INSL6: variants seen among roughly 807,000 people sequenced by gnomAD.
INSL6 encodes insulin like 6.
Under a neutral mutation model 9.4 loss-of-function variants are expected in INSL6, and 16 were observed. That is an observed-to-expected ratio of 1.70 (90% CI 1.15 to 2.59). The LOEUF (loss-of-function observed/expected upper bound fraction) is 2.59, where lower values mean the gene tolerates loss of function less well. Among genes scored for constraint, INSL6 ranks in the 30% most tolerant of loss-of-function variants. INSL6 has a pLI of 0.00. For synonymous variants in INSL6, 154 were observed against 96.9 expected (o/e 1.59, Z -3.46); for missense variants, 391 against 257.3 (o/e 1.52, Z -3.56).
At chr9:5,162,976 A>C (rs575981237), downstream of INSL6, among the ~76,000 whole-genome samples, 15 of 152,312 alleles carry the variant, frequency 9.8e-5, no homozygotes, top group South Asian at 2.1e-3. Flanking sequence ...GGACAGGAAA[A>C]AAAACACCAA....
intron 3 of INSL6, among the ~76,000 whole-genome samples, chr9:5,130,882 CTA>C (rs1222145046): frequency 4.0e-5 from 6 of 150,184 alleles, no homozygotes; most frequent in African/African-American, 9.8e-5. Flanking sequence ...GCGCCTGCCA[CTA>C]CACCCGGCTA....
the INSL6 span, among the ~76,000 whole-genome samples, chr9:4,997,918 A>AT: frequency 1.6e-4 from 24 of 151,412 alleles, no homozygotes; most frequent in South Asian, 4.0e-3. Context: ...TAGGTGCTTA[A>AT]TTTTTTTTTA....
At chr9:5,085,005 C>G in the INSL6 span, 2 of 849,150 alleles carry the variant, frequency 2.4e-6, no homozygotes, top group Non-Finnish European at 1.9e-6. Flanking sequence ...TCATTTATGT[C>G]TTGTGAGTAC....
chr9:5,182,799 C>T (rs1372349651), intron 1 of INSL6, among the ~76,000 whole-genome samples: 1 of 151,968 alleles, frequency 6.6e-6, no homozygotes, highest in East Asian at 1.9e-4. Context: ...AATACTCAGT[C>T]GTAATTTAGA....
the INSL6 span, among the ~76,000 whole-genome samples, chr9:5,003,866 G>A: frequency 6.6e-6 from 1 of 151,872 alleles, no homozygotes; most frequent in Non-Finnish European, 1.5e-5. Flanking sequence ...GAGGAAGTTT[G>A]CTTTTATTCC....
chr9:5,146,368 T>C (rs1341816380), intron 2 of INSL6, among the ~76,000 whole-genome samples: 1 of 152,086 alleles, frequency 6.6e-6, no homozygotes, highest in African/African-American at 2.4e-5. Context: ...GATTCAGGGG[T>C]GCCTGCCTCC....
intron 2 of INSL6, among the ~76,000 whole-genome samples, chr9:5,139,292 G>T (rs940078166): frequency 1.3e-5 from 2 of 152,000 alleles, no homozygotes; most frequent in East Asian, 3.8e-4. Flanking sequence ...CAGTTTAGTG[G>T]CCATTTGTTC....
At chr9:5,084,550 T>A in the INSL6 span, among the ~76,000 whole-genome samples, 4 of 152,144 alleles carry the variant, frequency 2.6e-5, no homozygotes, top group Admixed American at 6.5e-5. Flanking sequence ...TTTTATTTTT[T>A]AAAAAATATT....
At chr9:5,003,687 A>C in the INSL6 span, among the ~76,000 whole-genome samples, 4 of 152,152 alleles carry the variant, frequency 2.6e-5, no homozygotes, top group African/African-American at 9.6e-5. Context: ...AATCATCATA[A>C]CTTTTATTTA....
At chr9:5,009,807 G>A in the INSL6 span, among the ~76,000 whole-genome samples, 1 of 149,802 alleles carries the variant, frequency 6.7e-6, no homozygotes, top group Non-Finnish European at 1.5e-5. Flanking sequence ...GTCTTGCTCT[G>A]TTGCCCAGGC....
the INSL6 span, chr9:5,086,021 A>G: frequency 1.3e-6 from 1 of 796,510 alleles, no homozygotes; most frequent in Non-Finnish European, 2.3e-6. Context: ...TACTATATAC[A>G]TTTGGACAGG....
the INSL6 span, among the ~76,000 whole-genome samples, chr9:5,048,299 G>A: frequency 1.1e-3 from 174 of 151,928 alleles, no homozygotes; most frequent in African/African-American, 4.0e-3. Context: ...CTGCCACTAC[G>A]CCCGGCTAAT....
At position 5,185,587 on chromosome 9, in the gene INSL6, G is replaced by A. The variant is rs755134539; in HGVS notation, c.16C>T (p.Arg6Cys). 10 of 1,613,076 alleles carry A rather than the reference G, an allele frequency of 6.2e-6. No individual in the cohort carries two copies. Among genetic ancestry groups the A allele is most frequent in the Non-Finnish European group, 7.6e-6 (9 of 1,179,820 alleles). The change falls in exon 1 of 2, where the codon CGC becomes TGC. Residue 6 changes from arginine to cysteine, a missense_variant. Transcript: ENST00000381641. MPRLL[R>C]LSLLWLGLLL... ...AGTCCAAGCCACAGCAGGGACAAGC[G>A]GAGGAGCCGCGGCATCCCTGTGACC...
the INSL6 span, among the ~76,000 whole-genome samples, chr9:5,032,296 G>T: frequency 1.9e-4 from 29 of 152,290 alleles, no homozygotes; most frequent in African/African-American, 5.8e-4. Flanking sequence ...GAGGCCTGCC[G>T]GCCTCTGTAG....
At chr9:5,149,166 C>A (rs1347259976) in intron 2 of INSL6, among the ~76,000 whole-genome samples, 1 of 152,196 alleles carries the variant, frequency 6.6e-6, no homozygotes, top group Non-Finnish European at 1.5e-5. Context: ...TGTGGGGTCC[C>A]CTGTAGCAGC....
the INSL6 span, among the ~76,000 whole-genome samples, chr9:5,088,274 G>A: frequency 1.3e-5 from 2 of 152,074 alleles, no homozygotes; most frequent in Non-Finnish European, 2.9e-5. Flanking sequence ...CTTCTAAACT[G>A]TGTAATTAAG....
chr9:5,059,783 A>G, the INSL6 span, among the ~76,000 whole-genome samples: 1 of 152,070 alleles, frequency 6.6e-6, no homozygotes, highest in Non-Finnish European at 1.5e-5. Flanking sequence ...TTTTATTTTC[A>G]TTGCCCTGGT....
At chr9:5,175,524 TC>T (rs1417106256) in intron 1 of INSL6, among the ~76,000 whole-genome samples, 1 of 150,506 alleles carries the variant, frequency 6.6e-6, no homozygotes, top group Non-Finnish European at 1.5e-5. Context: ...AAACAGGGGG[TC>T]CCCAACCACT....
chr9:5,031,383 A>G, the INSL6 span, among the ~76,000 whole-genome samples: 1 of 152,222 alleles, frequency 6.6e-6, no homozygotes, highest in African/African-American at 2.4e-5. Flanking sequence ...AATAATGAGA[A>G]TGATGGGGCC....
Sources: allele counts gnomAD v4.1 joint callset (sites outside exome capture counted in the v4.1 genomes callset), GRCh38; gene constraint gnomAD v4.1.1; transcripts MANE v1.5; gene names NCBI Gene and HGNC (gene_info 2026-07-23, HGNC 2026-07-21).